CSMD1: variants seen among roughly 807,000 people sequenced by gnomAD.
CSMD1 encodes CUB and Sushi multiple domains 1.
Under a neutral mutation model 417.5 loss-of-function variants are expected in CSMD1, and 213 were observed. That is an observed-to-expected ratio of 0.51 (90% CI 0.46 to 0.57). CSMD1 has a LOEUF of 0.57. Among genes scored for constraint, CSMD1 ranks in the 20% least tolerant of loss-of-function variants. The pLI is 0.00. For missense variants in CSMD1, 6,923 were observed against 4,529.7 expected, an observed-to-expected ratio of 1.53 and a Z score of -15.17; for synonymous variants, 2,862 against 1,736.8, an observed-to-expected ratio of 1.65 and a Z score of -16.11.
intron 23 of CSMD1, among the ~76,000 whole-genome samples, chr8:3,329,445 G>A (rs150934719): frequency 6.6e-6 from 1 of 152,200 alleles, no homozygotes; most frequent in East Asian, 1.9e-4. Context: ...CCACATTACA[G>A]GGGAGCATAT....
At chr8:3,979,606 G>A (rs1366573895) in intron 5 of CSMD1, among the ~76,000 whole-genome samples, 1 of 152,152 alleles carries the variant, frequency 6.6e-6, no homozygotes, top group African/African-American at 2.4e-5. Context: ...CCAACATGAT[G>A]AGATTATAAA....
intron 3 of CSMD1, among the ~76,000 whole-genome samples, chr8:4,343,536 T>C (rs1417449487): frequency 6.6e-6 from 1 of 152,126 alleles, no homozygotes; most frequent in Non-Finnish European, 1.5e-5. Context: ...GTACAAGTTA[T>C]ATACAATGTT....
intron 1 of CSMD1, among the ~76,000 whole-genome samples, chr8:4,710,121 C>T (rs531688662): frequency 3.3e-5 from 5 of 152,126 alleles, no homozygotes; most frequent in East Asian, 1.9e-4. Context: ...TGATAACCTT[C>T]GCCTGGAGGT....
intron 10 of CSMD1, among the ~76,000 whole-genome samples, chr8:3,502,971 G>C (rs923672861): frequency 2.0e-5 from 3 of 152,100 alleles, no homozygotes; most frequent in African/African-American, 7.2e-5. Context: ...GCTTACAGTG[G>C]GGAGGTTGTG....
At chr8:3,821,464 G>C (rs900240365) in intron 5 of CSMD1, among the ~76,000 whole-genome samples, 1 of 151,980 alleles carries the variant, frequency 6.6e-6, no homozygotes, top group South Asian at 2.1e-4. Context: ...ATGCCACTAA[G>C]TGTAGGACAT....
chr8:3,673,622 G>C (rs1799204371), intron 7 of CSMD1, among the ~76,000 whole-genome samples: 1 of 152,182 alleles, frequency 6.6e-6, no homozygotes, highest in Non-Finnish European at 1.5e-5. Flanking sequence ...CAGCCTGTTT[G>C]ACCTAACGGG....
chr8:4,139,846 G>C (rs761572613), intron 3 of CSMD1, among the ~76,000 whole-genome samples: 2 of 150,950 alleles, frequency 1.3e-5, no homozygotes, highest in South Asian at 2.1e-4. Flanking sequence ...GAAGAACAAA[G>C]TGATCAGATG....
At chr8:3,808,885 A>G (rs931182265) in intron 5 of CSMD1, among the ~76,000 whole-genome samples, 14 of 152,180 alleles carry the variant, frequency 9.2e-5, no homozygotes, top group African/African-American at 3.4e-4. Flanking sequence ...CTGAAGTCAT[A>G]TCAGGGATTT....
chr8:3,795,011 C>T (rs62479733), intron 5 of CSMD1, among the ~76,000 whole-genome samples: 39,369 of 81,848 alleles, frequency 0.48, 13,051 homozygotes, highest in East Asian at 0.7. Context: ...GCTATAAATA[C>T]ATATCTATCA....
chr8:3,517,213 C>A (rs374386047), intron 10 of CSMD1, among the ~76,000 whole-genome samples: 77 of 152,114 alleles, frequency 5.1e-4, no homozygotes, highest in African/African-American at 1.8e-3. Context: ...CTCAGAATTG[C>A]CAGTAGAATT....
intron 3 of CSMD1, among the ~76,000 whole-genome samples, chr8:4,188,120 A>T (rs1213497079): frequency 6.6e-6 from 1 of 152,182 alleles, no homozygotes; most frequent in South Asian, 2.1e-4. Context: ...TTAAAAACAT[A>T]GGTTTTAAGG....
At chr8:3,957,146 C>G (rs371822037) in intron 5 of CSMD1, among the ~76,000 whole-genome samples, 8 of 46,722 alleles carry the variant, frequency 1.7e-4, no homozygotes, top group African/African-American at 4.2e-4. Flanking sequence ...CTTTCTCCCC[C>G]TACTTCACAC....
At chr8:2,945,269 T>A (rs974931318) in intron 68 of CSMD1, among the ~76,000 whole-genome samples, 3 of 152,234 alleles carry the variant, frequency 2.0e-5, no homozygotes, top group Non-Finnish European at 4.4e-5. Flanking sequence ...ATTTTTATAA[T>A]TGGTAATATT....
At chr8:3,888,493 C>G (rs1022709582) in intron 5 of CSMD1, among the ~76,000 whole-genome samples, 5 of 152,192 alleles carry the variant, frequency 3.3e-5, no homozygotes, top group Admixed American at 6.6e-5. Context: ...ATCATTAGCT[C>G]AAATGAAACA....
intron 3 of CSMD1, among the ~76,000 whole-genome samples, chr8:4,126,070 T>C (rs1714791): frequency 0.54 from 82,165 of 151,500 alleles, 22,567 homozygotes; most frequent in Non-Finnish European, 0.58. Context: ...AGTTTTGCCA[T>C]TGCACCCAGA....
intron 3 of CSMD1, among the ~76,000 whole-genome samples, chr8:4,085,588 G>A (rs1323772931): frequency 6.6e-6 from 1 of 152,008 alleles, no homozygotes; most frequent in Non-Finnish European, 1.5e-5. Context: ...AGAAACTATC[G>A]ACGCTTGCAA....
intron 3 of CSMD1, among the ~76,000 whole-genome samples, chr8:4,260,240 A>C (rs2128840348): frequency 6.6e-6 from 1 of 152,300 alleles, no homozygotes. Context: ...TTGCTATTTC[A>C]ACTTGCATTC....
At chr8:3,978,865 G>C (rs765872808) in intron 5 of CSMD1, among the ~76,000 whole-genome samples, 1 of 152,118 alleles carries the variant, frequency 6.6e-6, no homozygotes, top group Admixed American at 6.5e-5. Flanking sequence ...CTCCCATTAG[G>C]TTTAATGAAA....
intron 5 of CSMD1, among the ~76,000 whole-genome samples, chr8:3,866,860 G>A (rs1001054187): frequency 9.9e-5 from 15 of 152,068 alleles, no homozygotes; most frequent in Non-Finnish European, 2.9e-5. Context: ...ATGTTACTAG[G>A]ACTCCAGTTC....
Sources: allele counts gnomAD v4.1 joint callset (sites outside exome capture counted in the v4.1 genomes callset), GRCh38; gene constraint gnomAD v4.1.1; transcripts MANE v1.5; gene names NCBI Gene and HGNC (gene_info 2026-07-23, HGNC 2026-07-21).